The following MEIKIN variants were observed in gnomAD, a reference collection of about 807,000 sequenced individuals.
The protein encoded by MEIKIN is meiosis-specific kinetochore protein.
chr5:131,808,218 G>A (rs905517198), intron 12 of MEIKIN, among the ~76,000 whole-genome samples: 3 of 152,122 alleles, frequency 2.0e-5, no homozygotes, highest in African/African-American at 4.8e-5. Flanking sequence ...GACACTGCTC[G>A]CTCATTAAAG....
chr5:131,895,017 T>A (rs781401921), intron 8 of MEIKIN, among the ~76,000 whole-genome samples: 62 of 152,218 alleles, frequency 4.1e-4, no homozygotes, highest in Non-Finnish European at 6.3e-4. Flanking sequence ...GCCCATTCAG[T>A]ATGATATTGG....
chr5:131,833,059 G>A (rs532295001), intron 11 of MEIKIN, among the ~76,000 whole-genome samples: 3 of 152,340 alleles, frequency 2.0e-5, no homozygotes, highest in African/African-American at 7.2e-5. Flanking sequence ...TTTCTCCTCA[G>A]AGAATGGGAT....
Position 131,891,959 on chromosome 5 carries a change from T to C in MEIKIN, c.704-12911A>G, listed in dbSNP as rs183540067. ...TTGCTTGTCTGTAAAGGATTTTATT[T>C]CTCCTTCACTTATGAAGCTTAGTTT... On this transcript the variant is annotated intron_variant, in intron 8 of 12. Transcript: ENST00000442687. Among the ~76,000 whole-genome samples, 543 of 152,290 alleles carry C rather than the reference T, an allele frequency of 3.6e-3. 8 individuals carry two copies. Among genetic ancestry groups the C allele is most frequent in the African/African-American group, 0.013 (528 of 41,544 alleles).
chr5:131,938,131 T>C (rs1037200827), intron 4 of MEIKIN, among the ~76,000 whole-genome samples: 3 of 151,784 alleles, frequency 2.0e-5, no homozygotes, highest in African/African-American at 7.3e-5. Flanking sequence ...TATTGAGATA[T>C]AATTCACATG....
chr5:131,847,115 AAAG>A (rs1561731215), intron 11 of MEIKIN, among the ~76,000 whole-genome samples: 3 of 152,180 alleles, frequency 2.0e-5, no homozygotes, highest in Admixed American at 2.0e-4. Flanking sequence ...ATTAACCACA[AAAG>A]AAGACAGTAA....
intron 12 of MEIKIN, among the ~76,000 whole-genome samples, chr5:131,813,197 C>A (rs904982484): frequency 3.3e-5 from 5 of 152,214 alleles, no homozygotes; most frequent in Non-Finnish European, 5.9e-5. Flanking sequence ...ATGAGGAGTT[C>A]TCTACAATCA....
At chr5:131,877,680 C>A (rs559139420) in intron 9 of MEIKIN, among the ~76,000 whole-genome samples, 1 of 152,194 alleles carries the variant, frequency 6.6e-6, no homozygotes, top group Non-Finnish European at 1.5e-5. Context: ...GACCCCGATG[C>A]CATGCCTAAC....
intron 8 of MEIKIN, among the ~76,000 whole-genome samples, chr5:131,904,449 T>G (rs866601133): frequency 5.9e-5 from 9 of 152,232 alleles, no homozygotes; most frequent in South Asian, 2.1e-4. Context: ...AGAAATGAAA[T>G]CATACCAACC....
chr5:131,843,723 A>C (rs537228064), intron 11 of MEIKIN, among the ~76,000 whole-genome samples: 16 of 152,336 alleles, frequency 1.1e-4, no homozygotes, highest in African/African-American at 3.6e-4. Flanking sequence ...ATTTTGGTCA[A>C]AACCATTCAA....
At chr5:131,842,049 G>C (rs1749924857) in intron 11 of MEIKIN, among the ~76,000 whole-genome samples, 1 of 151,592 alleles carries the variant, frequency 6.6e-6, no homozygotes, top group Admixed American at 6.6e-5. Flanking sequence ...CTCCAGTCTG[G>C]AGTGCAGTGG....
chr5:131,938,497 G>T (rs957980181), intron 4 of MEIKIN, among the ~76,000 whole-genome samples: 2 of 152,040 alleles, frequency 1.3e-5, no homozygotes, highest in Non-Finnish European at 2.9e-5. Flanking sequence ...TGTACAATCA[G>T]TGGTTTTTTT....
chr5:131,881,307 T>C (rs1750700203), intron 8 of MEIKIN, among the ~76,000 whole-genome samples: 1 of 152,172 alleles, frequency 6.6e-6, no homozygotes, highest in African/African-American at 2.4e-5. Context: ...TCATAGCTGG[T>C]ATCATTCCTT....
At chr5:131,885,909 T>G (rs1043474299) in intron 8 of MEIKIN, among the ~76,000 whole-genome samples, 2 of 152,194 alleles carry the variant, frequency 1.3e-5, no homozygotes, top group Non-Finnish European at 2.9e-5. Flanking sequence ...CAAAGAAATT[T>G]AAAATAACAC....
chr5:131,861,681 A>G (rs1446995540), intron 9 of MEIKIN, among the ~76,000 whole-genome samples: 1 of 152,158 alleles, frequency 6.6e-6, no homozygotes, highest in Non-Finnish European at 1.5e-5. Flanking sequence ...GTTTTATCAA[A>G]TTCTTTTTCT....
intron 8 of MEIKIN, among the ~76,000 whole-genome samples, chr5:131,895,958 GTTCTT>G (rs1751042111): frequency 6.6e-6 from 1 of 152,120 alleles, no homozygotes; most frequent in Non-Finnish European, 1.5e-5. Flanking sequence ...TGCTTCTCTA[GTTCTT>G]TTAATTGTGA....
chr5:131,830,261 C>T (rs1749692799), intron 11 of MEIKIN, among the ~76,000 whole-genome samples: 1 of 152,076 alleles, frequency 6.6e-6, no homozygotes. Context: ...TCCAGGTGTG[C>T]TGACACATGC....
At chr5:131,809,365 T>C (rs957379088) in intron 12 of MEIKIN, among the ~76,000 whole-genome samples, 1 of 152,200 alleles carries the variant, frequency 6.6e-6, no homozygotes, top group African/African-American at 2.4e-5. Context: ...CTGGCATACT[T>C]CATCTCTTTA....
chr5:131,858,091 C>T (rs1371341292), intron 9 of MEIKIN, among the ~76,000 whole-genome samples: 17 of 152,218 alleles, frequency 1.1e-4, no homozygotes, highest in Non-Finnish European at 2.1e-4. Context: ...CACCGGGCCC[C>T]TCCAGTGCAG....
chr5:131,827,183 C>A (rs577328010), intron 11 of MEIKIN, among the ~76,000 whole-genome samples: 74 of 152,194 alleles, frequency 4.9e-4, no homozygotes, highest in African/African-American at 1.7e-3. Flanking sequence ...CAGGGTCTCT[C>A]TATGTTGACC....
Sources: gnomAD v4.1 joint callset for allele counts (sites outside exome capture counted in the v4.1 genomes callset) on GRCh38, gnomAD v4.1.1 for gene constraint, MANE v1.5 for transcripts, NCBI Gene and HGNC (gene_info 2026-07-23, HGNC 2026-07-21) for gene names.